Variants in DTNA observed in about 807,000 individuals in gnomAD.
DTNA encodes dystrophin-related protein 3.
Under a neutral mutation model 100.7 loss-of-function variants are expected in DTNA, and 43 were observed. The observed-to-expected ratio is 0.43, with a 90% confidence interval of 0.33 to 0.55. The LOEUF is 0.55. Ranked by LOEUF, DTNA falls within the 20% of genes least tolerant of loss-of-function variation. DTNA has a pLI of 0.04. For synonymous variants in DTNA, 349 were observed against 347.9 expected, an observed-to-expected ratio of 1.00 and a Z score of -0.04; for missense variants, 798 against 953.9, an observed-to-expected ratio of 0.84 and a Z score of 2.15.
At chr18:34,798,574 T>C (rs1053470298) in intron 4 of DTNA, among the ~76,000 whole-genome samples, 1 of 152,238 alleles carries the variant, frequency 6.6e-6, no homozygotes, top group Non-Finnish European at 1.5e-5. Context: ...GTATCTTCTT[T>C]CGTAAGACAG....
chr18:34,804,039 A>G lies in DTNA; in HGVS notation c.363-2180A>G, dbSNP rs576456091. 2.6e-5 allele frequency among the ~76,000 whole-genome samples: 4 copies of G among 152,324 alleles called. No homozygotes were observed. The East Asian group carries it at 7.7e-4, about 29-fold the overall frequency. On this transcript the variant is annotated intron_variant, in intron 4 of 22. Transcript: ENST00000444659. ...ATTGTGGACATGTAAAAATCACATC[A>G]AGGTCATTCATTGTGACAGATGCCA... is the stretch of plus-strand genomic sequence containing the variant.
Position 34,890,488 on chromosome 18 carries a change from C to T in DTNA, c.*2754C>T. The stretch of plus-strand genomic sequence containing the variant: ...TTGTCCTGTCCATTAGATACAACTA[C>T]ATCTTGCGGGGGTTGTTTCTTTCTT... On this transcript the variant is annotated 3_prime_UTR_variant, in exon 23 of 23. Transcript: ENST00000444659. 1.3e-6 allele frequency: 2 copies of T among 1,534,530 alleles called. No individual in the cohort carries two copies. The highest frequency in any genetic ancestry group is 1.2e-5 in the South Asian group (1 of 83,970).
At chr18:34,793,841 A>G (rs1602134903) in intron 3 of DTNA, among the ~76,000 whole-genome samples, 196 bp from the exon 4 acceptor site, 2 of 152,184 alleles carry the variant, frequency 1.3e-5, no homozygotes, top group Non-Finnish European at 2.9e-5. Context: ...TCAGTAAATC[A>G]TTTGCTTGCT....
intron 1 of DTNA, among the ~76,000 whole-genome samples, chr18:34,624,102 C>A (rs1278332223): frequency 6.6e-6 from 1 of 152,002 alleles, no homozygotes; most frequent in East Asian, 1.9e-4. Flanking sequence ...AAGTTCTGCC[C>A]ACCTCTGAAG....
At chr18:34,663,748 G>A (rs868224753) in intron 1 of DTNA, among the ~76,000 whole-genome samples, 2 of 152,148 alleles carry the variant, frequency 1.3e-5, no homozygotes, top group African/African-American at 4.8e-5. Flanking sequence ...AAACTTTCAA[G>A]TAGAAATTAG....
intron 1 of DTNA, among the ~76,000 whole-genome samples, chr18:34,494,194 G>C (rs1039487243): frequency 6.6e-6 from 1 of 152,022 alleles, no homozygotes; most frequent in Non-Finnish European, 1.5e-5. Flanking sequence ...GTGGGAGGTG[G>C]AGTGTCTACC....
At chr18:34,547,405 G>C (rs151252722) in intron 1 of DTNA, among the ~76,000 whole-genome samples, 2 of 152,110 alleles carry the variant, frequency 1.3e-5, no homozygotes, top group African/African-American at 4.8e-5. Flanking sequence ...ATCTTTCTAC[G>C]GATTTGCTCT....
intron 16 of DTNA, among the ~76,000 whole-genome samples, chr18:34,861,389 G>C (rs1366635015): frequency 6.9e-6 from 1 of 145,552 alleles, no homozygotes; most frequent in African/African-American, 2.5e-5. Context: ...CAGAGGCTGA[G>C]ACAGGAGAAT....
chr18:34,873,198 G>C (rs570941651), intron 17 of DTNA, among the ~76,000 whole-genome samples: 1 of 152,284 alleles, frequency 6.6e-6, no homozygotes, highest in African/African-American at 2.4e-5. Flanking sequence ...TACAAAAGTG[G>C]AGTTATATTA....
intron 9 of DTNA, among the ~76,000 whole-genome samples, chr18:34,825,095 T>C (rs1421988712): frequency 6.6e-6 from 1 of 152,146 alleles, no homozygotes; most frequent in Non-Finnish European, 1.5e-5. Context: ...AGGGACTTTT[T>C]TTTTCTACCC....
rs561419537 is a variant in DTNA, at chr18:34,889,975, A to G, written c.*2241A>G. The stretch of plus-strand genomic sequence containing the variant: ...TGCCTCATACTCAGTATTGAAAACC[A>G]CTACATCCCAGCTACCTATAATGCT... On this transcript the variant is annotated 3_prime_UTR_variant, in exon 23 of 23. Coordinates refer to ENST00000444659, the MANE Select transcript of DTNA (RefSeq NM_001386795.1). 10 of 1,132,048 alleles carry G rather than the reference A, an allele frequency of 8.8e-6. No homozygotes were observed. In the South Asian group the frequency reaches 2.1e-4, roughly 23 times the overall value. The allele number at this position is 1,132,048 out of a possible 1,614,324, so 70.1% of individuals were successfully genotyped here. A position where few individuals can be genotyped will look rare whatever the true frequency, so the allele number is the denominator to read the frequency against.
chr18:34,505,936 ACT>A (rs2040445363), intron 1 of DTNA, among the ~76,000 whole-genome samples: 1 of 152,068 alleles, frequency 6.6e-6, no homozygotes, highest in Non-Finnish European at 1.5e-5. Context: ...ATGTTAAGAG[ACT>A]CTGAATCTTA....
intron 1 of DTNA, among the ~76,000 whole-genome samples, chr18:34,512,385 C>T (rs924337299): frequency 1.3e-5 from 2 of 151,956 alleles, no homozygotes; most frequent in East Asian, 3.9e-4. Flanking sequence ...TGGCTGTTTT[C>T]CTCAGTCTGC....
chr18:34,580,701 A>G (rs1189178343), intron 1 of DTNA, among the ~76,000 whole-genome samples: 1 of 152,158 alleles, frequency 6.6e-6, no homozygotes, highest in Admixed American at 6.5e-5. Flanking sequence ...TTTACACTCC[A>G]GCACCAAGCT....
chr18:34,737,641 C>T (rs749060230), intron 1 of DTNA, among the ~76,000 whole-genome samples: 8 of 152,118 alleles, frequency 5.3e-5, no homozygotes, highest in South Asian at 2.1e-4. Flanking sequence ...AGTCTTTAGT[C>T]GCTCTCCCTC....
chr18:34,815,153 A>T (rs1639048297), intron 6 of DTNA, among the ~76,000 whole-genome samples: 1 of 152,210 alleles, frequency 6.6e-6, no homozygotes, highest in Middle Eastern at 3.4e-3. Flanking sequence ...ATCCCCTTTG[A>T]TATTCTAGTT....
At chr18:34,719,906 C>T (rs909050147) in intron 1 of DTNA, among the ~76,000 whole-genome samples, 1 of 152,160 alleles carries the variant, frequency 6.6e-6, no homozygotes, top group Non-Finnish European at 1.5e-5. Context: ...ATATACTCAT[C>T]TACATGGCTC....
intron 1 of DTNA, among the ~76,000 whole-genome samples, chr18:34,634,235 A>G (rs1266478794): frequency 6.6e-6 from 1 of 152,136 alleles, no homozygotes; most frequent in Non-Finnish European, 1.5e-5. Flanking sequence ...CTATTCTCAA[A>G]CTTTTTAGTC....
At chr18:34,728,012 G>A (rs2087129535) in intron 1 of DTNA, among the ~76,000 whole-genome samples, 1 of 152,112 alleles carries the variant, frequency 6.6e-6, no homozygotes, top group Admixed American at 6.6e-5. Context: ...GACTGTCCAT[G>A]GGTAATAGAT....
Sources: gnomAD v4.1 joint callset for allele counts (sites outside exome capture counted in the v4.1 genomes callset) on GRCh38, gnomAD v4.1.1 for gene constraint, MANE v1.5 for transcripts, NCBI Gene and HGNC (gene_info 2026-07-23, HGNC 2026-07-21) for gene names.